Variants in RAB3B observed in about 807,000 individuals in gnomAD.
RAB3B encodes the protein RAB3B, member RAS oncogene family, also known as ras-related protein Rab-3B.
In RAB3B, 11 loss-of-function variants were observed where a neutral mutation model predicts 20.5. That is an observed-to-expected ratio of 0.54 (90% CI 0.34 to 0.89). The LOEUF is 0.89. Among genes scored for constraint, RAB3B ranks in the 40% least tolerant of loss-of-function variants. The probability of loss-of-function intolerance (pLI) is 0.02; values close to 1 mark genes in which losing one functional copy is unlikely to be tolerated. For missense variants in RAB3B, 225 were observed against 280.9 expected (o/e 0.80, Z 1.42); for synonymous variants, 99 against 106.3 (o/e 0.93, Z 0.42).
intron 4 of RAB3B, among the ~76,000 whole-genome samples, chr1:51,922,473 T>C (rs1684185019): frequency 6.6e-6 from 1 of 152,122 alleles, no homozygotes; most frequent in Non-Finnish European, 1.5e-5. Flanking sequence ...ATGAGGCGAA[T>C]ACTACCTACC....
intron 2 of RAB3B, among the ~76,000 whole-genome samples, chr1:51,971,464 G>A (rs1433652755): frequency 9.6e-5 from 14 of 146,168 alleles, no homozygotes; most frequent in African/African-American, 1.3e-4. Flanking sequence ...ATGGAGTCTC[G>A]CTCTGTCGCC....
rs1443692411 is a variant in RAB3B at position 51,919,250 on chromosome 1, T to C, written c.*677A>G. On this transcript the variant is annotated 3_prime_UTR_variant, in exon 5 of 5. Coordinates refer to ENST00000371655, the MANE Select transcript of RAB3B (RefSeq NM_002867.4). The stretch of plus-strand genomic sequence containing the variant: ...CACCCGCCTCGGCCTCCCAAAGTGC[T>C]GGGATTACAGGCGTGAGCCACCGCG... 1 of 152,356 alleles carries C rather than the reference T, an allele frequency of 6.6e-6. No individual in the cohort carries two copies. Among genetic ancestry groups the C allele is most frequent in the African/African-American group, 2.4e-5 (1 of 41,460 alleles). The allele number at this position is 152,356 out of a possible 1,614,324, so 9.4% of individuals were successfully genotyped here. A position where few individuals can be genotyped will look rare whatever the true frequency, so the allele number is the denominator to read the frequency against.
At position 51,919,108 on chromosome 1, in the gene RAB3B, C is replaced by T. The variant is rs553898791; in HGVS notation, c.*819G>A. 2.6e-5 allele frequency: 4 copies of T among 151,604 alleles called. No individual in the cohort carries two copies. The East Asian group carries it at 5.8e-4, about 22-fold the overall frequency. The allele number at this position is 151,604 out of a possible 1,614,324, so 9.4% of individuals were successfully genotyped here. A position where few individuals can be genotyped will look rare whatever the true frequency, so the allele number is the denominator to read the frequency against. ...ACGCCATTCTCCTGCCTCAGCCTCC[C>T]GAGTAGCTGGGACTACAGGCGCCCG... On this transcript the variant is annotated 3_prime_UTR_variant, in exon 5 of 5. Transcript: ENST00000371655.
intron 2 of RAB3B, among the ~76,000 whole-genome samples, chr1:51,951,018 A>G (rs1380736747): frequency 1.3e-5 from 2 of 152,104 alleles, no homozygotes; most frequent in Non-Finnish European, 2.9e-5. Context: ...CTAGCTTAAT[A>G]TTATAGCTAT....
chr1:51,916,785 C>T lies in RAB3B; in HGVS notation c.*3142G>A, dbSNP rs965675454. 2.0e-5 allele frequency: 3 copies of T among 152,198 alleles called. No individual in the cohort carries two copies. Among genetic ancestry groups the T allele is most frequent in the Non-Finnish European group, 4.4e-5 (3 of 68,032 alleles). The allele number at this position is 152,198 out of a possible 1,614,324, so 9.4% of individuals were successfully genotyped here. ...GGATCTGTTGCCTCAGAGACTGACT[C>T]GCCTTTCCTGAGCATTAGACATCCA... On this transcript the variant is annotated 3_prime_UTR_variant, in exon 5 of 5. Coordinates refer to ENST00000371655, the MANE Select transcript of RAB3B (RefSeq NM_002867.4).
intron 4 of RAB3B, among the ~76,000 whole-genome samples, chr1:51,930,640 A>G (rs11205911): frequency 0.62 from 94,186 of 152,138 alleles, 29,551 homozygotes; most frequent in East Asian, 0.89. Flanking sequence ...AATTAGATGC[A>G]TAATACTTTG....
At chr1:51,966,578 C>A (rs1684854589) in intron 2 of RAB3B, among the ~76,000 whole-genome samples, 1 of 152,122 alleles carries the variant, frequency 6.6e-6, no homozygotes, top group Non-Finnish European at 1.5e-5. Flanking sequence ...TTACAGAGGC[C>A]AACTAAGCCT....
At chr1:51,922,365 G>A (rs1246887611) in intron 4 of RAB3B, among the ~76,000 whole-genome samples, 6 of 152,182 alleles carry the variant, frequency 3.9e-5, no homozygotes, top group Admixed American at 3.9e-4. Context: ...GTGGCACTGA[G>A]GGGAGGACAT....
rs1262812434 is a variant in RAB3B at position 51,909,931 on chromosome 1, G to A, written c.*9996C>T. The A allele has an allele frequency of 2.0e-5, 3 of 152,082 alleles. No homozygotes were observed. The highest frequency in any genetic ancestry group is 6.6e-5 in the Admixed American group (1 of 15,248). The allele number at this position is 152,082 out of a possible 1,614,324, so 9.4% of individuals were successfully genotyped here. A position where few individuals can be genotyped will look rare whatever the true frequency, so the allele number is the denominator to read the frequency against. On this transcript the variant is annotated 3_prime_UTR_variant, in exon 5 of 5. Coordinates refer to ENST00000371655, the MANE Select transcript of RAB3B (RefSeq NM_002867.4). The stretch of plus-strand genomic sequence containing the variant: ...TGTGTAGTGCCAACATCACACGTTC[G>A]GCATCTACTGTGTGTGCACGGCACT...
intron 2 of RAB3B, among the ~76,000 whole-genome samples, chr1:51,965,343 T>C (rs937123754): frequency 1.3e-5 from 2 of 152,192 alleles, no homozygotes; most frequent in Non-Finnish European, 2.9e-5. Flanking sequence ...ATCACTGAAC[T>C]ATACTGTTTA....
chr1:51,923,482 G>A (rs1484367962), intron 4 of RAB3B, among the ~76,000 whole-genome samples: 1 of 152,092 alleles, frequency 6.6e-6, no homozygotes, highest in African/African-American at 2.4e-5. Flanking sequence ...TTGGGAGGCC[G>A]AGGTGGGTGG....
chr1:51,922,225 T>C (rs1684181786), intron 4 of RAB3B, among the ~76,000 whole-genome samples: 1 of 152,164 alleles, frequency 6.6e-6, no homozygotes, highest in Non-Finnish European at 1.5e-5. Flanking sequence ...GTGGCAGTGT[T>C]TGGGGAGGTG....
intron 3 of RAB3B, 87 bp from the exon 4 acceptor site, chr1:51,933,529 C>T (rs1684356258): frequency 2.3e-6 from 3 of 1,301,918 alleles, no homozygotes; most frequent in Non-Finnish European, 1.1e-6. Flanking sequence ...ATGTTGAAGC[C>T]TAATCCCCAA....
rs1290770591 is a variant in RAB3B at position 51,977,085 on chromosome 1, G to A, written c.33C>T (p.Val11=). 6.2e-7 allele frequency: 1 copy of A among 1,614,114 alleles called. No individual in the cohort carries two copies. Among genetic ancestry groups the A allele is most frequent in the Non-Finnish European group, 8.5e-7 (1 of 1,180,018 alleles). MASVTDGKTG[V]KDASDQNFDY... Reference sequence around the variant, plus strand: ...CAAAATTCTGGTCAGAGGCATCTTTGACTCCAGTTTTACCATCTGTCACTG... The same window carrying A: ...CAAAATTCTGGTCAGAGGCATCTTTAACTCCAGTTTTACCATCTGTCACTG... Residue 11 remains valine (V), a synonymous_variant, in exon 2 of 5, where the codon GTC becomes GTT. Coordinates refer to ENST00000371655, the MANE Select transcript of RAB3B (RefSeq NM_002867.4).
At chr1:51,963,798 G>A (rs2124292892) in intron 2 of RAB3B, among the ~76,000 whole-genome samples, 1 of 152,244 alleles carries the variant, frequency 6.6e-6, no homozygotes, top group East Asian at 1.9e-4. Flanking sequence ...GAATGTAGGT[G>A]CACAGTCTGT....
At chr1:51,989,103 G>GCGCACACACACA (rs377673682) in intron 1 of RAB3B, among the ~76,000 whole-genome samples, 2,097 of 132,748 alleles carry the variant, frequency 0.016, 48 homozygotes, top group African/African-American at 0.028. Context: ...CTGTGCGCGC[G>GCGCACACACACA]CACACACACA....
intron 4 of RAB3B, among the ~76,000 whole-genome samples, chr1:51,929,855 A>G (rs1684298920): frequency 6.6e-6 from 1 of 152,182 alleles, no homozygotes; most frequent in South Asian, 2.1e-4. Flanking sequence ...TTTGTTCATC[A>G]TTCATTATAT....
At position 51,934,404 on chromosome 1, in the gene RAB3B, G is replaced by A. The variant is rs544242015; in HGVS notation, c.348-962C>T. Among the ~76,000 whole-genome samples the A allele has an allele frequency of 6.6e-5, 10 of 152,150 alleles. No individual in the cohort carries two copies. In the South Asian group the frequency reaches 8.3e-4, roughly 13 times the overall value. On this transcript the variant is annotated intron_variant, in intron 3 of 4. Coordinates refer to ENST00000371655, the MANE Select transcript of RAB3B (RefSeq NM_002867.4). The stretch of plus-strand genomic sequence containing the variant: ...ATTCATAAACCTTCCCTGAAGCCTC[G>A]GATTATGATTATTTGCAGGAACCAA...
intron 1 of RAB3B, among the ~76,000 whole-genome samples, chr1:51,988,974 C>A (rs1484828109): frequency 6.6e-6 from 1 of 151,836 alleles, no homozygotes; most frequent in African/African-American, 2.4e-5. Flanking sequence ...CCACCTCCCC[C>A]AAAATGCTTC....
Sources: gnomAD v4.1 joint callset for allele counts (sites outside exome capture counted in the v4.1 genomes callset) on GRCh38, gnomAD v4.1.1 for gene constraint, MANE v1.5 for transcripts, NCBI Gene and HGNC (gene_info 2026-07-23, HGNC 2026-07-21) for gene names.